The following RNGTT variants were observed in gnomAD, a reference collection of about 807,000 sequenced individuals.
RNGTT encodes RNA guanylyltransferase and 5'-phosphatase, also known as mRNA-capping enzyme.
A neutral mutation model predicts 79.3 loss-of-function variants in RNGTT; 33 were observed. The ratio of observed to expected loss-of-function variants is 0.42; its 90% CI spans 0.32 to 0.56. The LOEUF (loss-of-function observed/expected upper bound fraction) is 0.56. Ranked by LOEUF, RNGTT falls within the 20% of genes least tolerant of loss-of-function variation. The pLI, the probability that RNGTT is intolerant of heterozygous loss-of-function variation, is 0.17. For synonymous variants in RNGTT, 222 were observed against 235.9 expected, an observed-to-expected ratio of 0.94 and a Z score of 0.54; for missense variants, 497 against 739.1, an observed-to-expected ratio of 0.67 and a Z score of 3.80.
chr6:88,930,846 A>G (rs1440269527), intron 2 of RNGTT, among the ~76,000 whole-genome samples: 1 of 152,208 alleles, frequency 6.6e-6, no homozygotes, highest in African/African-American at 2.4e-5. Context: ...GGAAAATGCA[A>G]TGAAGACACA....
intron 14 of RNGTT, among the ~76,000 whole-genome samples, chr6:88,616,091 G>A (rs1772206585): frequency 6.6e-6 from 1 of 152,252 alleles, no homozygotes; most frequent in Non-Finnish European, 1.5e-5. Context: ...AGTATTAACA[G>A]AATCACACAC....
chr6:88,960,603 AAAAAAGG>A (rs1423651951), intron 1 of RNGTT, among the ~76,000 whole-genome samples: 3 of 151,806 alleles, frequency 2.0e-5, no homozygotes, highest in East Asian at 4.0e-4. Flanking sequence ...AAAGAAAAGA[AAAAAAGG>A]AAAAAGGAAA....
At chr6:88,703,253 T>C (rs1427179035) in intron 13 of RNGTT, among the ~76,000 whole-genome samples, 1 of 152,210 alleles carries the variant, frequency 6.6e-6, no homozygotes, top group East Asian at 1.9e-4. Context: ...CATACTTGCA[T>C]GTTCACTGTG....
chr6:88,862,118 C>A (rs1782031398), intron 8 of RNGTT, among the ~76,000 whole-genome samples: 1 of 152,102 alleles, frequency 6.6e-6, no homozygotes, highest in South Asian at 2.1e-4. Flanking sequence ...CGTTTCCTGG[C>A]ATACAAATCC....
intron 13 of RNGTT, among the ~76,000 whole-genome samples, chr6:88,706,013 T>C (rs560741278): frequency 6.6e-6 from 1 of 152,148 alleles, no homozygotes; most frequent in Admixed American, 6.5e-5. Flanking sequence ...ATGAGTAGAA[T>C]ACCATAAGAG....
chr6:88,693,325 G>A (rs992964416), intron 13 of RNGTT, among the ~76,000 whole-genome samples: 1 of 152,082 alleles, frequency 6.6e-6, no homozygotes, highest in Non-Finnish European at 1.5e-5. Context: ...GATCATAAGA[G>A]ATTATTATGA....
At chr6:88,940,666 G>C (rs1040697050) in intron 2 of RNGTT, among the ~76,000 whole-genome samples, 1 of 152,146 alleles carries the variant, frequency 6.6e-6, no homozygotes, top group Non-Finnish European at 1.5e-5. Context: ...CGAGTACAGG[G>C]ACGGGGTGAG....
At chr6:88,732,607 A>AGT (rs781367192) in intron 13 of RNGTT, among the ~76,000 whole-genome samples, 13 of 152,352 alleles carry the variant, frequency 8.5e-5, no homozygotes, top group Non-Finnish European at 1.0e-4. Flanking sequence ...AAGCAGCCTG[A>AGT]GTGTGCATTG....
At chr6:88,696,809 A>C (rs975377988) in intron 13 of RNGTT, among the ~76,000 whole-genome samples, 1 of 152,176 alleles carries the variant, frequency 6.6e-6, no homozygotes, top group Non-Finnish European at 1.5e-5. Context: ...TCCCCTGGGA[A>C]AATGTAAGAA....
chr6:88,652,961 A>C (rs1176332811), intron 14 of RNGTT, among the ~76,000 whole-genome samples: 1 of 152,212 alleles, frequency 6.6e-6, no homozygotes, highest in East Asian at 1.9e-4. Flanking sequence ...TTCTGTAATA[A>C]GTAAAATGCA....
intron 2 of RNGTT, among the ~76,000 whole-genome samples, chr6:88,937,950 A>C (rs1784721719): frequency 6.6e-6 from 1 of 152,202 alleles, no homozygotes; most frequent in African/African-American, 2.4e-5. Flanking sequence ...TTTGTGTCCT[A>C]ACATATGGTC....
At chr6:88,797,629 A>G (rs1266277558) in intron 12 of RNGTT, among the ~76,000 whole-genome samples, 1 of 152,088 alleles carries the variant, frequency 6.6e-6, no homozygotes, top group African/African-American at 2.4e-5. Flanking sequence ...ATTAATAATT[A>G]TAATAACCAA....
At chr6:88,756,981 A>G (rs1451370771) in intron 13 of RNGTT, among the ~76,000 whole-genome samples, 1 of 152,162 alleles carries the variant, frequency 6.6e-6, no homozygotes, top group Non-Finnish European at 1.5e-5. Flanking sequence ...AAAAAAACAA[A>G]TTGTCTTTAA....
Position 88,959,533 on chromosome 6 carries a change from G to A in RNGTT, c.64+3813C>T, listed in dbSNP as rs573252350. Among the ~76,000 whole-genome samples the A allele has an allele frequency of 2.5e-4, 38 of 152,008 alleles. 1 individual carries two copies. The East Asian group carries it at 4.6e-3, about 19-fold the overall frequency. On this transcript the variant is annotated intron_variant, in intron 1 of 15. Coordinates refer to ENST00000369485, the MANE Select transcript of RNGTT (RefSeq NM_003800.5). ...ACCCTCTTTCCCTCATTCTAAATAC[G>A]ACATCAAGTTCTGTCCATTTTCCCT...
At chr6:88,717,247 T>G (rs909567630) in intron 13 of RNGTT, among the ~76,000 whole-genome samples, 4 of 152,196 alleles carry the variant, frequency 2.6e-5, no homozygotes, top group African/African-American at 9.6e-5. Context: ...AATATAATAC[T>G]TTTTATCTTT....
intron 8 of RNGTT, among the ~76,000 whole-genome samples, chr6:88,869,466 T>C (rs9344884): frequency 0.041 from 6,245 of 152,266 alleles, 188 homozygotes; most frequent in African/African-American, 0.076. Flanking sequence ...CTGGCAAAGA[T>C]GTAAACCTCA....
intron 8 of RNGTT, among the ~76,000 whole-genome samples, chr6:88,887,697 A>C (rs1295172552): frequency 6.6e-6 from 1 of 152,236 alleles, no homozygotes; most frequent in East Asian, 1.9e-4. Flanking sequence ...AAAGGGGTAC[A>C]CAACTACAGA....
chr6:88,814,083 G>A (rs1780233031), intron 11 of RNGTT, among the ~76,000 whole-genome samples: 1 of 151,970 alleles, frequency 6.6e-6, no homozygotes, highest in African/African-American at 2.4e-5. Context: ...ATTATCACAA[G>A]AGGTTTTATA....
intron 6 of RNGTT, among the ~76,000 whole-genome samples, chr6:88,895,229 CTGTGTGTGTGTGTGTGTGTGTGTG>C (rs5878081): frequency 6.9e-6 from 1 of 145,108 alleles, no homozygotes; most frequent in South Asian, 2.3e-4. Context: ...AGAGAGAGCT[CTGTGTGTGTGTGTGTGTGTGTGTG>C]TGTGTGTGTG....
Sources: allele counts gnomAD v4.1 joint callset (sites outside exome capture counted in the v4.1 genomes callset), GRCh38; gene constraint gnomAD v4.1.1; transcripts MANE v1.5; gene names NCBI Gene and HGNC (gene_info 2026-07-23, HGNC 2026-07-21).